OXSR1: variants seen among roughly 807,000 people sequenced by gnomAD.
The protein encoded by OXSR1 is oxidative stress responsive kinase 1, also known as serine/threonine-protein kinase OSR1.
Under a neutral mutation model 79.8 loss-of-function variants are expected in OXSR1, and 24 were observed. That is an observed-to-expected ratio of 0.30 (90% CI 0.22 to 0.42). OXSR1 has a LOEUF of 0.42. Ranked by LOEUF, OXSR1 falls within the 10% of genes least tolerant of loss-of-function variation. The pLI is 1.00. For synonymous variants in OXSR1, 226 were observed against 209.2 expected, an observed-to-expected ratio of 1.08 and a Z score of -0.69; for missense variants, 430 against 618.4, an observed-to-expected ratio of 0.70 and a Z score of 3.23.
chr3:38,211,239 T>C (rs1434694958), intron 4 of OXSR1, among the ~76,000 whole-genome samples: 1 of 152,150 alleles, frequency 6.6e-6, no homozygotes, highest in Non-Finnish European at 1.5e-5. Context: ...AACCTGCAAA[T>C]CAGCATCCTT....
intron 5 of OXSR1, among the ~76,000 whole-genome samples, chr3:38,217,196 A>G (rs1702498621): frequency 1.3e-5 from 2 of 152,250 alleles, no homozygotes; most frequent in Non-Finnish European, 2.9e-5. Flanking sequence ...AATTTGTTAA[A>G]TGCAAAGTAA....
intron 2 of OXSR1, among the ~76,000 whole-genome samples, chr3:38,187,608 C>T (rs1701907832): frequency 6.6e-6 from 1 of 151,514 alleles, no homozygotes; most frequent in Admixed American, 6.6e-5. Flanking sequence ...AAAAAGTTAC[C>T]ATTAGAAAAA....
chr3:38,199,880 C>G (rs1045855735), intron 4 of OXSR1, among the ~76,000 whole-genome samples: 2 of 152,174 alleles, frequency 1.3e-5, no homozygotes, highest in Admixed American at 6.5e-5. Context: ...CATGTGGACT[C>G]CCACCTGGTG....
chr3:38,203,836 C>G (rs949313052), intron 4 of OXSR1, among the ~76,000 whole-genome samples: 3 of 152,138 alleles, frequency 2.0e-5, no homozygotes, highest in Admixed American at 1.3e-4. Flanking sequence ...AACCACTACC[C>G]AGCTATTGCC....
chr3:38,226,532 A>T (rs1183128565), intron 8 of OXSR1, among the ~76,000 whole-genome samples: 1 of 152,020 alleles, frequency 6.6e-6, no homozygotes, highest in Non-Finnish European at 1.5e-5. Flanking sequence ...TTTACAATGC[A>T]CCTCCTCTAC....
chr3:38,169,998 C>G (rs1026528348), intron 1 of OXSR1, among the ~76,000 whole-genome samples: 5 of 151,848 alleles, frequency 3.3e-5, no homozygotes, highest in African/African-American at 7.3e-5. Flanking sequence ...TTCCAGAGTG[C>G]TAGGATTACA....
chr3:38,166,715 G>A (rs1476795463), intron 1 of OXSR1, among the ~76,000 whole-genome samples: 3 of 151,156 alleles, frequency 2.0e-5, no homozygotes, highest in African/African-American at 4.9e-5. Flanking sequence ...CCTTGAACCC[G>A]GGAGGCGGAG....
chr3:38,252,824 G>A lies in OXSR1; in HGVS notation c.1517G>A (p.Gly506Asp). 3 of 1,612,516 alleles carry A rather than the reference G, an allele frequency of 1.9e-6. No individual in the cohort carries two copies. Among genetic ancestry groups the A allele is most frequent in the Non-Finnish European group, 2.5e-6 (3 of 1,178,690 alleles). The change falls in exon 18 of 18, where the codon GGT becomes GAT. Residue 506 changes from glycine (G) to aspartate (D), a missense_variant. Around this residue, in one of 3 missense-constraint regions of OXSR1, gnomAD observed 276 missense variants for 354.2 expected, o/e 0.78. Transcript: ENST00000311806. ...ATTTTGTTTGGTTCTTAGGCATCTGGTGTCGAAGGCTCAGATATTCCTGAT... is the reference window on the plus strand; with the variant it reads ...ATTTTGTTTGGTTCTTAGGCATCTGATGTCGAAGGCTCAGATATTCCTGAT... ...NRSVTFKLASGVEGSDIPDDG... is the reference protein window; with the variant it reads ...NRSVTFKLASDVEGSDIPDDG...
Position 38,231,721 on chromosome 3 carries a change from TTAA to T in OXSR1, c.951+1297_951+1299del, listed in dbSNP as rs373291672. Among the ~76,000 whole-genome samples the T allele has an allele frequency of 1.1e-3, 163 of 152,324 alleles. 1 individual carries two copies. The highest frequency in any genetic ancestry group is 3.3e-3 in the African/African-American group (139 of 41,572). ...TAATATGTATATATTTTTATGCTTA[TTAA>T]TAATATGTATAAAATTTCTATGCTT... On this transcript the variant is annotated intron_variant, in intron 10 of 17. Transcript: ENST00000311806.
chr3:38,237,337 A>G (rs1333172643), intron 11 of OXSR1, among the ~76,000 whole-genome samples: 1 of 152,148 alleles, frequency 6.6e-6, no homozygotes, highest in Non-Finnish European at 1.5e-5. Flanking sequence ...GGAATGGTGT[A>G]TCTCTTATTC....
At chr3:38,204,691 C>T (rs1256013628) in intron 4 of OXSR1, among the ~76,000 whole-genome samples, 1 of 151,490 alleles carries the variant, frequency 6.6e-6, no homozygotes, top group Non-Finnish European at 1.5e-5. Context: ...ATTCAAGTTG[C>T]AAAACAAAGT....
chr3:38,211,204 T>C (rs1559513902), intron 4 of OXSR1, among the ~76,000 whole-genome samples: 1 of 152,182 alleles, frequency 6.6e-6, no homozygotes, highest in Admixed American at 6.5e-5. Flanking sequence ...CACTTGGGCA[T>C]TCTGTCTGGT....
chr3:38,239,362 G>T (rs1702982045), intron 11 of OXSR1, among the ~76,000 whole-genome samples: 3 of 152,056 alleles, frequency 2.0e-5, no homozygotes, highest in African/African-American at 7.2e-5. Flanking sequence ...TTGTATTTCT[G>T]TAAGTCTTCT....
At chr3:38,213,604 A>G (rs1476146245) in intron 4 of OXSR1, among the ~76,000 whole-genome samples, 3 of 152,214 alleles carry the variant, frequency 2.0e-5, no homozygotes. Context: ...TTATTGTAGC[A>G]AAAGTACTGA....
At chr3:38,202,403 A>G (rs561898643) in intron 4 of OXSR1, among the ~76,000 whole-genome samples, 7 of 152,166 alleles carry the variant, frequency 4.6e-5, no homozygotes, top group Non-Finnish European at 1.0e-4. Context: ...TTCTTTTTAG[A>G]GACAGATTCT....
chr3:38,181,522 A>G (rs1353435464), intron 1 of OXSR1, among the ~76,000 whole-genome samples: 1 of 151,636 alleles, frequency 6.6e-6, no homozygotes, highest in Non-Finnish European at 1.5e-5. Context: ...CACCCAGCTA[A>G]TTTTTGTATT....
At chr3:38,217,177 T>C (rs1008029600) in intron 5 of OXSR1, among the ~76,000 whole-genome samples, 3 of 152,220 alleles carry the variant, frequency 2.0e-5, no homozygotes, top group Non-Finnish European at 4.4e-5. Flanking sequence ...TGTTCAAGCT[T>C]ACACTAGTAA....
At chr3:38,237,703 G>T (rs571456999) in intron 11 of OXSR1, among the ~76,000 whole-genome samples, 1 of 152,242 alleles carries the variant, frequency 6.6e-6, no homozygotes, top group Admixed American at 6.5e-5. Context: ...TAGTCCTTCT[G>T]CAGAGCTAAG....
At chr3:38,227,053 A>G (rs1170380908) in intron 8 of OXSR1, among the ~76,000 whole-genome samples, 1 of 152,234 alleles carries the variant, frequency 6.6e-6, no homozygotes, top group African/African-American at 2.4e-5. Context: ...AAATTATTAT[A>G]AAACTTTAAG....
Sources: allele counts gnomAD v4.1 joint callset (sites outside exome capture counted in the v4.1 genomes callset), GRCh38; gene constraint gnomAD v4.1.1; regional missense constraint gnomAD v4.1.1; transcripts MANE v1.5; gene names NCBI Gene and HGNC (gene_info 2026-07-23, HGNC 2026-07-21).